Variants in CYB5R4 observed in about 807,000 individuals in gnomAD.
The protein encoded by CYB5R4 is N-terminal cytochrome b5 and cytochrome b5 oxidoreductase domain-containing protein.
A neutral mutation model predicts 70.2 loss-of-function variants in CYB5R4; 55 were observed. The observed-to-expected ratio is 0.78, with a 90% confidence interval of 0.63 to 0.98. CYB5R4 has a LOEUF of 0.98. Ranked by LOEUF, CYB5R4 falls within the 50% of genes least tolerant of loss-of-function variation. The probability of loss-of-function intolerance (pLI) is 0.00; values close to 1 mark genes in which losing one functional copy is unlikely to be tolerated. For synonymous variants in CYB5R4, 197 were observed against 199.5 expected, an observed-to-expected ratio of 0.99 and a Z score of 0.11; for missense variants, 562 against 612.6, an observed-to-expected ratio of 0.92 and a Z score of 0.87.
In CYB5R4 at chr6:83,893,612, T is replaced by A. The variant is rs772269331; in HGVS notation, c.320T>A (p.Leu107His). The A allele has an allele frequency of 4.4e-6, 7 of 1,604,756 alleles. No individual in the cohort carries two copies. In the African/African-American group the frequency reaches 9.4e-5, roughly 21 times the overall value. ...MRAAGSDGTE[L>H]FDQVHRWVNY... ...GCAGCAGGATCAGATGGTACTGAAC[T>A]TTTTGATCAGGTAAGATGTGCTGAA... Residue 107 changes from leucine to histidine, a missense_variant, in exon 3 of 16, where the codon CTT becomes CAT. Transcript: ENST00000369681.
At chr6:83,925,135 C>T (rs2099467078) in intron 10 of CYB5R4, among the ~76,000 whole-genome samples, 1 of 152,070 alleles carries the variant, frequency 6.6e-6, no homozygotes, top group South Asian at 2.1e-4. Flanking sequence ...CTGGCATTTG[C>T]TTGGTTTCTG....
chr6:83,926,290 G>A (rs1411142368), intron 10 of CYB5R4: 2 of 152,014 alleles, frequency 1.3e-5, no homozygotes, highest in Non-Finnish European at 2.9e-5. Flanking sequence ...CATTTCAGAA[G>A]CCATGTGGGG....
chr6:83,891,237 A>T (rs2099461078), intron 2 of CYB5R4, among the ~76,000 whole-genome samples: 1 of 152,206 alleles, frequency 6.6e-6, no homozygotes, highest in Non-Finnish European at 1.5e-5. Context: ...ATAAGCCGCC[A>T]TGCCTGGCCT....
intron 4 of CYB5R4, among the ~76,000 whole-genome samples, chr6:83,909,539 C>T (rs1365932267): frequency 6.6e-6 from 1 of 151,960 alleles, no homozygotes; most frequent in Non-Finnish European, 1.5e-5. Context: ...CAGTTTCTTC[C>T]CCCTAGCTCT....
intron 10 of CYB5R4, among the ~76,000 whole-genome samples, chr6:83,925,650 G>T (rs931675474): frequency 1.3e-5 from 2 of 152,102 alleles, no homozygotes; most frequent in Non-Finnish European, 2.9e-5. Context: ...GAACATGGAT[G>T]ATTTTTCATC....
At chr6:83,887,251 T>C (rs1198817040) in intron 2 of CYB5R4, among the ~76,000 whole-genome samples, 3 of 152,150 alleles carry the variant, frequency 2.0e-5, no homozygotes, top group African/African-American at 4.8e-5. Context: ...GTCTGTAAGA[T>C]ATTATAGAGA....
chr6:83,916,702 A>G (rs2099465569), intron 5 of CYB5R4, among the ~76,000 whole-genome samples: 1 of 152,168 alleles, frequency 6.6e-6, no homozygotes, highest in African/African-American at 2.4e-5. Flanking sequence ...GCCTGGACTC[A>G]GGGCTCACCA....
intron 2 of CYB5R4, among the ~76,000 whole-genome samples, chr6:83,875,200 A>G (rs2099458332): frequency 6.6e-6 from 1 of 152,208 alleles, no homozygotes; most frequent in African/African-American, 2.4e-5. Flanking sequence ...GGCATAGCTC[A>G]TGGTTAATAT....
At chr6:83,899,927 C>G (rs536206177) in intron 3 of CYB5R4, among the ~76,000 whole-genome samples, 24 of 152,176 alleles carry the variant, frequency 1.6e-4, no homozygotes, top group African/African-American at 5.8e-4. Context: ...CTCCTGGATT[C>G]ATTGATTTTT....
chr6:83,895,363 G>A (rs528505964), intron 3 of CYB5R4, among the ~76,000 whole-genome samples: 2 of 152,006 alleles, frequency 1.3e-5, no homozygotes, highest in South Asian at 2.1e-4. Context: ...ATGGGGTTTC[G>A]CCACGTTGAC....
chr6:83,909,826 A>G (rs1030065553), intron 4 of CYB5R4, among the ~76,000 whole-genome samples: 1 of 152,170 alleles, frequency 6.6e-6, no homozygotes, highest in Non-Finnish European at 1.5e-5. Context: ...TTTTGTTGTT[A>G]GAACGAAAGT....
intron 1 of CYB5R4, among the ~76,000 whole-genome samples, chr6:83,863,841 G>A (rs2099456346): frequency 6.6e-6 from 1 of 152,182 alleles, no homozygotes; most frequent in Admixed American, 6.5e-5. Flanking sequence ...TAAAGTATAT[G>A]TGAGAATGTT....
intron 3 of CYB5R4, among the ~76,000 whole-genome samples, chr6:83,899,836 T>C (rs1307048303): frequency 6.6e-6 from 1 of 152,174 alleles, no homozygotes; most frequent in Non-Finnish European, 1.5e-5. Context: ...TTTTATTGCA[T>C]CTATTTGATT....
chr6:83,919,248 C>T, intron 6 of CYB5R4, 149 bp from the exon 7 acceptor site: 1 of 459,232 alleles, frequency 2.2e-6, no homozygotes. Flanking sequence ...AAGAATGTAA[C>T]ATGGTAAGAC....
intron 5 of CYB5R4, among the ~76,000 whole-genome samples, 177 bp from the exon 6 acceptor site, chr6:83,917,828 G>A (rs777340060): frequency 2.6e-5 from 4 of 152,084 alleles, no homozygotes; most frequent in African/African-American, 4.8e-5. Context: ...GCAAGGGTAT[G>A]TATGTTTCAC....
intron 15 of CYB5R4, among the ~76,000 whole-genome samples, chr6:83,958,522 C>T (rs1205976394): frequency 6.6e-6 from 1 of 152,140 alleles, no homozygotes; most frequent in African/African-American, 2.4e-5. Context: ...GCAGGGAGAA[C>T]TGGCAGATGC....
rs2099473453 is a variant in CYB5R4 at position 83,962,202 on chromosome 6, A to G, written c.*2324A>G. On this transcript the variant is annotated 3_prime_UTR_variant, in exon 16 of 16. Coordinates refer to ENST00000369681, the MANE Select transcript of CYB5R4 (RefSeq NM_016230.4). ...CCATACCAGCTAACCCTGTCCTATC[A>G]TCCCTCAGCTGGATTAGTACAGTAG... 1 of 152,162 alleles carries G rather than the reference A, an allele frequency of 6.6e-6. No homozygotes were observed. Among genetic ancestry groups the G allele is most frequent in the Non-Finnish European group, 1.5e-5 (1 of 68,044 alleles). 9.4% of individuals were successfully genotyped at this position (152,162 alleles called of 1,614,324 possible). A position where few individuals can be genotyped will look rare whatever the true frequency, so the allele number is the denominator to read the frequency against.
At chr6:83,924,404 C>T (rs1337398810) in intron 9 of CYB5R4, 66 bp from the exon 10 acceptor site, 3 of 1,517,388 alleles carry the variant, frequency 2.0e-6, no homozygotes, top group Admixed American at 3.6e-5. Context: ...TTGAGAAATA[C>T]TGGTTTTAAA....
chr6:83,950,633 G>C (rs1309501552), intron 14 of CYB5R4, among the ~76,000 whole-genome samples: 2 of 152,076 alleles, frequency 1.3e-5, no homozygotes, highest in Admixed American at 6.6e-5. Context: ...CGTTCTTGGA[G>C]ACCATTAATC....
Sources: gnomAD v4.1 joint callset for allele counts (sites outside exome capture counted in the v4.1 genomes callset) on GRCh38, gnomAD v4.1.1 for gene constraint, MANE v1.5 for transcripts, NCBI Gene and HGNC (gene_info 2026-07-23, HGNC 2026-07-21) for gene names.